ADCY2: variants seen among roughly 807,000 people sequenced by gnomAD.
ADCY2 encodes adenylate cyclase type 2.
ADCY2 carries 31 observed loss-of-function variants against 125.2 expected under a neutral mutation model. The observed-to-expected ratio is 0.25, with a 90% CI of 0.19 to 0.33. ADCY2 has a LOEUF of 0.33. Among genes scored for constraint, ADCY2 ranks in the 10% least tolerant of loss-of-function variants. The pLI, the probability that ADCY2 is intolerant of heterozygous loss-of-function variation, is 1.00. For synonymous variants in ADCY2, 512 were observed against 548.4 expected (o/e 0.93, Z 0.93); for missense variants, 904 against 1,418.2 (o/e 0.64, Z 5.82).
Position 7,396,638 on chromosome 5 carries a change from G to C in ADCY2, c.210+132G>C, listed in dbSNP as rs1044020734. On this transcript the variant is annotated intron_variant, in intron 1 of 24. Coordinates refer to ENST00000338316, the MANE Select transcript of ADCY2 (RefSeq NM_020546.3). This position sits in a 1 kb window ranked among gnomAD's most constrained non-coding sequence, Gnocchi z 5.7. ...CCCCTCGGCCCGCGGCAGCCCCTCG[G>C]CCCGCGGCTCCCTGCTTCTCCTGCT... The C allele has an allele frequency of 2.1e-5, 10 of 468,898 alleles. No individual in the cohort carries two copies. The highest frequency in any genetic ancestry group is 1.9e-4 in the African/African-American group (9 of 47,696). The allele number at this position is 468,898 out of a possible 1,614,324, so 29.0% of individuals were successfully genotyped here.
chr5:7,442,964 T>A (rs767669623), intron 2 of ADCY2, among the ~76,000 whole-genome samples: 1 of 152,236 alleles, frequency 6.6e-6, no homozygotes, highest in African/African-American at 2.4e-5. Flanking sequence ...CAGCCATTAT[T>A]TTTGATGCTC....
At chr5:7,695,942 T>A in intron 6 of ADCY2, 79 bp downstream of exon 6, 1 of 906,784 alleles carries the variant, frequency 1.1e-6, no homozygotes, top group South Asian at 1.9e-5. Context: ...CTATCAATAG[T>A]TTACTTTTTC....
intron 2 of ADCY2, among the ~76,000 whole-genome samples, chr5:7,446,654 G>C (rs1343584346): frequency 6.6e-6 from 1 of 152,182 alleles, no homozygotes; most frequent in African/African-American, 2.4e-5. Flanking sequence ...TTATAGGTGA[G>C]AGAGGGCCAT....
rs545883987 is a variant in ADCY2 at position 7,698,354 on chromosome 5, G to A, written c.1089G>A (p.Leu363=). ...CCAAGAACTGTGTGAAAATGGGGCT[G>A]GACATGTGTGAAGCCATAAAGTAAG... ...NHAKNCVKMG[L]DMCEAIKKVR... The change falls in exon 7 of 25, where the codon CTG becomes CTA. Residue 363 remains leucine, a synonymous_variant. Coordinates refer to ENST00000338316, the MANE Select transcript of ADCY2 (RefSeq NM_020546.3). 4.0e-5 allele frequency: 64 copies of A among 1,614,112 alleles called. No individual in the cohort carries two copies. Among genetic ancestry groups the A allele is most frequent in the Admixed American group, 1.3e-4 (8 of 60,022 alleles).
chr5:7,448,287 C>G (rs1741350010), intron 2 of ADCY2, among the ~76,000 whole-genome samples: 1 of 152,204 alleles, frequency 6.6e-6, no homozygotes, highest in Non-Finnish European at 1.5e-5. Context: ...GCAGAAGGGT[C>G]TCTGAAGAAT....
At chr5:7,803,997 C>T (rs1357395725) in intron 21 of ADCY2, among the ~76,000 whole-genome samples, 1 of 144,130 alleles carries the variant, frequency 6.9e-6, no homozygotes, top group Non-Finnish European at 1.5e-5. Flanking sequence ...GTCCTGCAAA[C>T]AGCAGACTTC....
intron 3 of ADCY2, among the ~76,000 whole-genome samples, chr5:7,612,048 ATACACAGAG>A (rs1370522056): frequency 6.6e-6 from 1 of 152,232 alleles, no homozygotes; most frequent in Non-Finnish European, 1.5e-5. Context: ...GTTGTTGGCA[ATACACAGAG>A]CTCTTAATCG....
At chr5:7,521,575 A>T (rs1324444827) in intron 3 of ADCY2, among the ~76,000 whole-genome samples, 2 of 152,246 alleles carry the variant, frequency 1.3e-5, no homozygotes, top group African/African-American at 2.4e-5. Context: ...CTCTGTGGAG[A>T]TCAACTGCAG....
At chr5:7,451,585 T>G (rs2126420714) in intron 2 of ADCY2, among the ~76,000 whole-genome samples, 1 of 152,276 alleles carries the variant, frequency 6.6e-6, no homozygotes, top group South Asian at 2.1e-4. Flanking sequence ...TTACAGAAAT[T>G]TAGTTGATAA....
intron 7 of ADCY2, among the ~76,000 whole-genome samples, chr5:7,700,254 TTA>T (rs1355650456): frequency 6.6e-6 from 1 of 152,212 alleles, no homozygotes; most frequent in Non-Finnish European, 1.5e-5. Context: ...GAAGATTTGC[TTA>T]TATAGGATAG....
intron 3 of ADCY2, among the ~76,000 whole-genome samples, chr5:7,527,770 C>T (rs1283781037): frequency 6.6e-6 from 1 of 152,172 alleles, no homozygotes; most frequent in Non-Finnish European, 1.5e-5. Flanking sequence ...TAATCAATAG[C>T]AATGTGGATT....
At position 7,773,327 on chromosome 5, in the gene ADCY2, GAGA is replaced by G. The variant is rs535182083; in HGVS notation, c.2384+231_2384+233del. On this transcript the variant is annotated intron_variant, in intron 18 of 24. Transcript: ENST00000338316. Reference sequence around the variant, plus strand: ...CATAGAAGATGTGAAGTGGTTTGGAGAGAAGAACTGTGTTATAACTGTACTATG... The same window carrying G: ...CATAGAAGATGTGAAGTGGTTTGGAGAGAACTGTGTTATAACTGTACTATG... Among the ~76,000 whole-genome samples, 261 of 152,346 alleles carry G rather than the reference GAGA, an allele frequency of 1.7e-3. 1 individual carries two copies. The highest frequency in any genetic ancestry group is 5.8e-3 in the African/African-American group (243 of 41,586).
At chr5:7,441,903 C>T (rs1741029049) in intron 2 of ADCY2, among the ~76,000 whole-genome samples, 1 of 152,194 alleles carries the variant, frequency 6.6e-6, no homozygotes, top group Non-Finnish European at 1.5e-5. Flanking sequence ...CAGCTCCTGC[C>T]TCAGTGTGTC....
intron 3 of ADCY2, among the ~76,000 whole-genome samples, chr5:7,582,211 C>T (rs1398092787): frequency 6.6e-6 from 1 of 152,144 alleles, no homozygotes; most frequent in Non-Finnish European, 1.5e-5. Flanking sequence ...GAGGACATAA[C>T]AGTCGTGAAC....
chr5:7,734,337 C>A (rs554026612), intron 14 of ADCY2, among the ~76,000 whole-genome samples: 1 of 152,250 alleles, frequency 6.6e-6, no homozygotes, highest in African/African-American at 2.4e-5. Flanking sequence ...CTTATCTCAT[C>A]AATAAATGTG....
chr5:7,412,052 G>A (rs544296253), intron 1 of ADCY2, among the ~76,000 whole-genome samples: 2 of 151,540 alleles, frequency 1.3e-5, no homozygotes, highest in Non-Finnish European at 2.9e-5. Flanking sequence ...TCCAGCCTGG[G>A]CGACAGAGCG....
intron 10 of ADCY2, among the ~76,000 whole-genome samples, chr5:7,712,630 T>C (rs1458783796): frequency 2.0e-5 from 3 of 152,216 alleles, no homozygotes; most frequent in Non-Finnish European, 4.4e-5. Flanking sequence ...CTCATGCTTC[T>C]AGCATCCAGA....
intron 2 of ADCY2, among the ~76,000 whole-genome samples, chr5:7,443,976 A>T (rs1741122100): frequency 1.3e-5 from 2 of 152,144 alleles, no homozygotes; most frequent in African/African-American, 4.8e-5. Flanking sequence ...GCATAATTCC[A>T]AACTTGTAAC....
At chr5:7,730,364 G>T (rs1459891439) in intron 14 of ADCY2, among the ~76,000 whole-genome samples, 1 of 152,108 alleles carries the variant, frequency 6.6e-6, no homozygotes, top group Non-Finnish European at 1.5e-5. Context: ...AATACATTCT[G>T]AAGTTATTCA....
Sources: gnomAD v4.1 joint callset for allele counts (sites outside exome capture counted in the v4.1 genomes callset) on GRCh38, gnomAD v4.1.1 for gene constraint, Gnocchi (gnomAD v3.1) non-coding constraint, MANE v1.5 for transcripts, NCBI Gene and HGNC (gene_info 2026-07-23, HGNC 2026-07-21) for gene names.